Variants in ERICH6 observed in about 807,000 individuals in gnomAD.
ERICH6 encodes the protein glutamate rich 6, also known as glutamate-rich protein 6.
ERICH6 carries 71 observed loss-of-function variants against 71.0 expected under a neutral mutation model. That is an observed-to-expected ratio of 1.00 (90% CI 0.83 to 1.22). The LOEUF is 1.22. Ranked by LOEUF, ERICH6 falls within the 50% of genes most tolerant of loss-of-function variation. ERICH6 has a pLI of 0.00. For synonymous variants in ERICH6, 262 were observed against 278.4 expected, an observed-to-expected ratio of 0.94 and a Z score of 0.59; for missense variants, 808 against 797.2, an observed-to-expected ratio of 1.01 and a Z score of -0.16.
intron 10 of ERICH6, 44 bp downstream of exon 10, chr3:150,678,364 TG>T (rs1559913912): frequency 5.3e-6 from 8 of 1,522,736 alleles, no homozygotes; most frequent in Non-Finnish European, 7.0e-6. Context: ...TAGGTAAAAC[TG>T]GTTTTTTTTA....
chr3:150,682,240 A>C lies in ERICH6; in HGVS notation c.860T>G (p.Val287Gly), dbSNP rs1711993158. 1 of 1,613,886 alleles carries C rather than the reference A, an allele frequency of 6.2e-7. No homozygotes were observed. The highest frequency in any genetic ancestry group is 1.3e-5 in the African/African-American group (1 of 74,922). The change falls in exon 7 of 14, where the codon GTT becomes GGT. Residue 287 changes from valine to glycine, a missense_variant. This residue lies in a region of ERICH6 where 736 missense variants were observed against 712.2 expected (regional missense o/e 1.03). Coordinates refer to ENST00000295910, the MANE Select transcript of ERICH6 (RefSeq NM_152394.5). ...TACATGCCCTTTTGGTTCAGAGGAA[A>C]CATCCACATTAGAAAAAAATGCTCT... ...DLRAFFSNVD[V>G]SSEPKGHASC...
rs529842646 is a variant in ERICH6, at chr3:150,694,081, T to C, written c.553+4710A>G. Among the ~76,000 whole-genome samples, 34 of 152,312 alleles carry C rather than the reference T, an allele frequency of 2.2e-4. 1 individual carries two copies. The South Asian group carries it at 6.4e-3, about 29-fold the overall frequency. On this transcript the variant is annotated intron_variant, in intron 3 of 13. Transcript: ENST00000295910. Reference sequence around the variant, plus strand: ...GGCCTATAGCAGTTTTCCAGGATTGTTCTTCTGTTTGCTGTTGTTTTTCTC... The same window carrying C: ...GGCCTATAGCAGTTTTCCAGGATTGCTCTTCTGTTTGCTGTTGTTTTTCTC...
intron 3 of ERICH6, among the ~76,000 whole-genome samples, chr3:150,694,091 T>G (rs1005922805): frequency 2.6e-5 from 4 of 152,330 alleles, no homozygotes; most frequent in Middle Eastern, 3.4e-3. Flanking sequence ...TTCTTCTGTT[T>G]GCTGTTGTTT....
chr3:150,699,725 A>AAC (rs1553755360), intron 2 of ERICH6, among the ~76,000 whole-genome samples: 51 of 134,456 alleles, frequency 3.8e-4, no homozygotes, highest in East Asian at 1.7e-3. Context: ...GATAAAAACA[A>AAC]AAAAAAAAAA....
rs773565417 is a variant in ERICH6, at chr3:150,702,120, C to G, written c.461+1G>C. On this transcript the variant is annotated splice_donor_variant, in intron 2 of 13. Transcript: ENST00000295910. LOFTEE classifies it high-confidence loss of function. ...TGTGAAATTTGAAAACATTTTCTTA[C>G]CTATCTATACTCATTTCAGACATGT... The G allele has an allele frequency of 6.4e-7, 1 of 1,550,612 alleles. No homozygotes were observed. Among genetic ancestry groups the G allele is most frequent in the Admixed American group, 1.8e-5 (1 of 54,544 alleles).
At chr3:150,700,144 G>T (rs1559922414) in intron 2 of ERICH6, among the ~76,000 whole-genome samples, 2 of 151,454 alleles carry the variant, frequency 1.3e-5, no homozygotes, top group African/African-American at 2.4e-5. Context: ...GTGCGATCTT[G>T]GCTCACTGCA....
chr3:150,692,199 A>G (rs1314403504), intron 3 of ERICH6, among the ~76,000 whole-genome samples: 1 of 152,198 alleles, frequency 6.6e-6, no homozygotes, highest in African/African-American at 2.4e-5. Context: ...TATCAAGATT[A>G]AAATTTTATA....
chr3:150,667,080 C>A, intron 12 of ERICH6, 65 bp from the exon 13 acceptor site: 1 of 1,447,972 alleles, frequency 6.9e-7, no homozygotes, highest in South Asian at 1.3e-5. Context: ...GGAATTATCC[C>A]TGTCACTTGC....
At chr3:150,683,948 T>A (rs1392044662) in intron 6 of ERICH6, among the ~76,000 whole-genome samples, 1 of 152,204 alleles carries the variant, frequency 6.6e-6, no homozygotes, top group African/African-American at 2.4e-5. Flanking sequence ...AAGTGCCAGT[T>A]CAGGGACGTC....
In ERICH6 at chr3:150,675,444, G is replaced by T. The variant is rs1236295892; in HGVS notation, c.1258-1403C>A. Among the ~76,000 whole-genome samples the T allele has an allele frequency of 2.6e-5, 4 of 152,062 alleles. No homozygotes were observed. The East Asian group carries it at 7.7e-4, about 29-fold the overall frequency. On this transcript the variant is annotated intron_variant, in intron 10 of 13. Transcript: ENST00000295910. The stretch of plus-strand genomic sequence containing the variant: ...GCTCACTGCAACTTCCACCCCCTGG[G>T]TTCAAGTGATTTTCCTGCCTCAGCC...
intron 3 of ERICH6, among the ~76,000 whole-genome samples, chr3:150,698,044 A>G (rs550893485): frequency 3.0e-4 from 46 of 152,246 alleles, no homozygotes; most frequent in Non-Finnish European, 5.6e-4. Context: ...TTCTCAGGAA[A>G]GATTTCTCTG....
intron 6 of ERICH6, among the ~76,000 whole-genome samples, chr3:150,685,032 T>TA (rs1158599634): frequency 6.6e-6 from 1 of 151,866 alleles, no homozygotes; most frequent in African/African-American, 2.4e-5. Context: ...ATAATTTTTT[T>TA]AAAAAAGACA....
chr3:150,703,704 C>G lies in ERICH6; in HGVS notation c.195G>C (p.Gln65His). 6.2e-7 allele frequency: 1 copy of G among 1,610,384 alleles called. No individual in the cohort carries two copies. The highest frequency in any genetic ancestry group is 8.5e-7 in the Non-Finnish European group (1 of 1,178,096). The stretch of plus-strand genomic sequence containing the variant: ...TGAACGTCTCAGGGGCCTCCAACTC[C>G]TGCTCTTCCCCCACCAACTCCTCCT... ...VVEEELVGEEQELEAPETFSE... is the reference protein window; with the variant it reads ...VVEEELVGEEHELEAPETFSE... Residue 65 changes from glutamine (Q) to histidine (H), a missense_variant, in exon 1 of 14, where the codon CAG becomes CAC. By Grantham distance (24) the Gln-to-His change is conservative. Coordinates refer to ENST00000295910, the MANE Select transcript of ERICH6 (RefSeq NM_152394.5).
chr3:150,692,416 A>T (rs1475677005), intron 3 of ERICH6, among the ~76,000 whole-genome samples: 1 of 152,090 alleles, frequency 6.6e-6, no homozygotes, highest in Non-Finnish European at 1.5e-5. Context: ...AGTGTTTTAA[A>T]CCTTTGATAA....
At position 150,698,778 on chromosome 3, in the gene ERICH6, T is replaced by C. The variant is rs1712749128; in HGVS notation, c.553+13A>G. 3 of 1,607,260 alleles carry C rather than the reference T, an allele frequency of 1.9e-6. No individual in the cohort carries two copies. In the African/African-American group the frequency reaches 4.0e-5, roughly 21 times the overall value. On this transcript the variant is annotated intron_variant, in intron 3 of 13. Transcript: ENST00000295910. ...CCTCCTCCCAGGAAAAGCTAAGAAA[T>C]CAAACTACTCACTCGATTGCACTTT...
chr3:150,683,940 G>A (rs1712074524), intron 6 of ERICH6, among the ~76,000 whole-genome samples: 2 of 152,360 alleles, frequency 1.3e-5, no homozygotes, highest in East Asian at 1.9e-4. Flanking sequence ...CCTCGTCCAA[G>A]TGCCAGTTCA....
At chr3:150,673,890 C>A in intron 11 of ERICH6, 66 bp downstream of exon 11, 2 of 1,515,806 alleles carry the variant, frequency 1.3e-6, no homozygotes, top group South Asian at 1.1e-5. Context: ...CATGTATTTC[C>A]TTCCTTGAGC....
intron 10 of ERICH6, among the ~76,000 whole-genome samples, chr3:150,678,038 A>T (rs1228562382): frequency 2.0e-5 from 3 of 152,246 alleles, no homozygotes; most frequent in Non-Finnish European, 4.4e-5. Context: ...TCTTAATTTA[A>T]TTTAAGTCTA....
intron 10 of ERICH6, among the ~76,000 whole-genome samples, chr3:150,676,939 A>G (rs1401993536): frequency 6.6e-6 from 1 of 151,982 alleles, no homozygotes; most frequent in Non-Finnish European, 1.5e-5. Context: ...CAGCCTCCCA[A>G]GTAGCTGGGA....
Sources: allele counts gnomAD v4.1 joint callset (sites outside exome capture counted in the v4.1 genomes callset), GRCh38; gene constraint gnomAD v4.1.1; regional missense constraint gnomAD v4.1.1; transcripts MANE v1.5; gene names NCBI Gene and HGNC (gene_info 2026-07-23, HGNC 2026-07-21).